Variants in TANC1 observed in about 807,000 individuals in gnomAD.
TANC1 encodes protein TANC1.
In TANC1, 77 loss-of-function variants were observed where a neutral mutation model predicts 149.7. That is an observed-to-expected ratio of 0.51 (90% CI 0.43 to 0.62). The LOEUF is 0.62. Among genes scored for constraint, TANC1 ranks in the 20% least tolerant of loss-of-function variants. The probability of loss-of-function intolerance (pLI) is 0.00; values close to 1 mark genes in which losing one functional copy is unlikely to be tolerated. For missense variants in TANC1, 1,985 were observed against 2,321.8 expected (o/e 0.85, Z 2.98); for synonymous variants, 854 against 925.0 (o/e 0.92, Z 1.39).
At chr2:159,084,106 C>T (rs1260022167) in intron 3 of TANC1, among the ~76,000 whole-genome samples, 1 of 152,002 alleles carries the variant, frequency 6.6e-6, no homozygotes, top group Non-Finnish European at 1.5e-5. Context: ...AAAAATTAGC[C>T]GGGGGTGGTG....
intron 2 of TANC1, among the ~76,000 whole-genome samples, chr2:159,016,003 T>C (rs2038231162): frequency 6.6e-6 from 1 of 152,202 alleles, no homozygotes; most frequent in African/African-American, 2.4e-5. Flanking sequence ...CCAAAGCCGC[T>C]TCCACATTTT....
At chr2:159,168,176 G>A (rs894162404) in intron 8 of TANC1, among the ~76,000 whole-genome samples, 8 of 152,086 alleles carry the variant, frequency 5.3e-5, no homozygotes, top group Non-Finnish European at 1.0e-4. Context: ...AACAGGAGGG[G>A]TTTTTAAAAG....
chr2:159,227,689 T>A (rs2060097932), intron 24 of TANC1, 130 bp from the exon 25 acceptor site: 2 of 1,012,594 alleles, frequency 2.0e-6, no homozygotes, highest in African/African-American at 1.6e-5. Context: ...TTGACACTTG[T>A]TTGGATGCTT....
intron 3 of TANC1, among the ~76,000 whole-genome samples, chr2:159,078,339 G>C (rs1446009874): frequency 6.6e-6 from 1 of 152,234 alleles, no homozygotes; most frequent in Non-Finnish European, 1.5e-5. Flanking sequence ...ATTTTGGTAA[G>C]TGGTTAATCA....
chr2:159,167,871 ACTGGTCGG>A (rs1277799439), intron 8 of TANC1, among the ~76,000 whole-genome samples: 1 of 152,140 alleles, frequency 6.6e-6, no homozygotes, highest in Non-Finnish European at 1.5e-5. Context: ...GACGGATGGC[ACTGGTCGG>A]CAGCTGGATG....
chr2:159,115,263 A>G (rs1399472158), intron 4 of TANC1, among the ~76,000 whole-genome samples: 3 of 151,932 alleles, frequency 2.0e-5, no homozygotes, highest in Non-Finnish European at 4.4e-5. Flanking sequence ...GTGATGTCCT[A>G]TGACAGAGTT....
intron 3 of TANC1, among the ~76,000 whole-genome samples, chr2:159,071,465 ATGT>A (rs1441626864): frequency 1.3e-5 from 2 of 152,144 alleles, no homozygotes; most frequent in Admixed American, 1.3e-4. Flanking sequence ...ACTTGTAATG[ATGT>A]TAATTAAGGC....
chr2:159,219,105 A>G (rs79505999), intron 20 of TANC1, 133 bp from the exon 21 acceptor site: 25,683 of 1,188,962 alleles, frequency 0.022, 436 homozygotes, highest in African/African-American at 0.052. Flanking sequence ...TCCAGGCCCC[A>G]TGGTTCACAC....
chr2:158,976,276 T>C (rs1455039465), intron 1 of TANC1, among the ~76,000 whole-genome samples: 1 of 152,224 alleles, frequency 6.6e-6, no homozygotes, highest in East Asian at 1.9e-4. Flanking sequence ...TTGGTATATC[T>C]GGTAGTCTTT....
intron 17 of TANC1, 69 bp from the exon 18 acceptor site, chr2:159,196,539 G>T: frequency 2.2e-6 from 3 of 1,372,648 alleles, no homozygotes; most frequent in Non-Finnish European, 3.0e-6. Flanking sequence ...CACACAGCTA[G>T]GTGGTGCATC....
At chr2:159,112,993 T>G (rs1048410449) in intron 4 of TANC1, among the ~76,000 whole-genome samples, 1 of 152,186 alleles carries the variant, frequency 6.6e-6, no homozygotes, top group Non-Finnish European at 1.5e-5. Flanking sequence ...TCACCCAGGC[T>G]GGGGAATCTC....
chr2:159,014,162 T>C (rs916227308), intron 2 of TANC1, among the ~76,000 whole-genome samples: 1 of 152,208 alleles, frequency 6.6e-6, no homozygotes, highest in Non-Finnish European at 1.5e-5. Flanking sequence ...GATAAAGACA[T>C]ACCTGAGACT....
intron 2 of TANC1, among the ~76,000 whole-genome samples, chr2:159,025,087 A>C (rs2039153328): frequency 6.6e-6 from 1 of 152,220 alleles, no homozygotes; most frequent in Non-Finnish European, 1.5e-5. Context: ...ACTATGGTCA[A>C]GAAAATTAAC....
chr2:158,982,305 C>T (rs1418859479), intron 1 of TANC1, among the ~76,000 whole-genome samples: 1 of 152,156 alleles, frequency 6.6e-6, no homozygotes, highest in Non-Finnish European at 1.5e-5. Context: ...TAAAAATATA[C>T]ATATACACTC....
At chr2:159,024,894 G>T (rs2039136520) in intron 2 of TANC1, among the ~76,000 whole-genome samples, 1 of 152,188 alleles carries the variant, frequency 6.6e-6, no homozygotes, top group African/African-American at 2.4e-5. Flanking sequence ...ATGCTGTTCT[G>T]GTTTGTAGCC....
rs933497864 is a variant in TANC1, at chr2:158,968,771, C to G, written c.-137C>G. 9.2e-5 allele frequency: 14 copies of G among 152,326 alleles called. No homozygotes were observed. The highest frequency in any genetic ancestry group is 1.9e-4 in the Non-Finnish European group (13 of 68,130). 9.4% of individuals were successfully genotyped at this position (152,326 alleles called of 1,614,324 possible). On this transcript the variant is annotated 5_prime_UTR_variant, in exon 1 of 27. Transcript: ENST00000263635. ...GGGAACCGCGCTGAGGAGCTGGAAA[C>G]TTTCCCGGCAGGTAACTCCCGCAGC...
intron 4 of TANC1, among the ~76,000 whole-genome samples, chr2:159,125,216 C>G (rs963611005): frequency 1.3e-4 from 20 of 152,198 alleles, no homozygotes; most frequent in African/African-American, 4.6e-4. Flanking sequence ...ACACAACCTG[C>G]TTTATACGCC....
intron 3 of TANC1, among the ~76,000 whole-genome samples, chr2:159,089,467 T>A (rs1574582986): frequency 6.6e-6 from 1 of 152,330 alleles, no homozygotes; most frequent in East Asian, 1.9e-4. Context: ...TCTTTACTTC[T>A]CAATTCCTTG....
chr2:159,006,295 CAAAAAAA>C (rs71406138), intron 2 of TANC1, among the ~76,000 whole-genome samples: 1 of 75,150 alleles, frequency 1.3e-5, no homozygotes, highest in Non-Finnish European at 2.7e-5. Context: ...GACTTAGTCT[CAAAAAAA>C]AAAAAAAAAA....
Sources: gnomAD v4.1 joint callset for allele counts (sites outside exome capture counted in the v4.1 genomes callset) on GRCh38, gnomAD v4.1.1 for gene constraint, MANE v1.5 for transcripts, NCBI Gene and HGNC (gene_info 2026-07-23, HGNC 2026-07-21) for gene names.